The following ODF2L variants were observed in gnomAD, a reference collection of about 807,000 sequenced individuals.
The protein encoded by ODF2L is outer dense fiber of sperm tails 2 like, also known as protein BCAP.
A neutral mutation model predicts 86.3 loss-of-function variants in ODF2L; 76 were observed. The observed-to-expected ratio is 0.88, with a 90% CI of 0.73 to 1.07. The LOEUF (loss-of-function observed/expected upper bound fraction) is 1.07, where lower values mean the gene tolerates loss of function less well. Among genes scored for constraint, ODF2L ranks in the 50% least tolerant of loss-of-function variants. The probability of loss-of-function intolerance (pLI) is 0.00; values close to 1 mark genes in which losing one functional copy is unlikely to be tolerated. For synonymous variants in ODF2L, 241 were observed against 231.3 expected (o/e 1.04, Z -0.38); for missense variants, 748 against 717.4 (o/e 1.04, Z -0.49).
chr1:86,352,106 A>G (rs2100701813), exon 18 of ODF2L: 3 of 1,443,614 alleles, frequency 2.1e-6, no homozygotes, highest in Non-Finnish European at 2.7e-6. Context: ...CAATAAAATC[A>G]AATTGTGCAT....
downstream of ODF2L, chr1:86,349,019 TCA>T (rs1384012296): frequency 1.7e-4 from 130 of 777,808 alleles, 1 homozygote; most frequent in African/African-American, 2.1e-3. Context: ...TCTGATGTGT[TCA>T]TTCTTAGAGC....
chr1:86,368,316 T>A (rs903851961), intron 11 of ODF2L, among the ~76,000 whole-genome samples: 2 of 152,192 alleles, frequency 1.3e-5, no homozygotes, highest in Non-Finnish European at 2.9e-5. Flanking sequence ...TTACTAGGAA[T>A]TTAACATGTC....
chr1:86,385,396 G>A (rs891520348), intron 3 of ODF2L, 62 bp downstream of exon 3: 15 of 1,018,420 alleles, frequency 1.5e-5, no homozygotes, highest in Non-Finnish European at 2.2e-5. Flanking sequence ...TGAGACCTCA[G>A]TTAATGCATT....
At chr1:86,382,826 A>G in intron 6 of ODF2L, 105 bp downstream of exon 6, 1 of 675,074 alleles carries the variant, frequency 1.5e-6, no homozygotes, top group East Asian at 2.7e-5. Context: ...GAATTTCAAA[A>G]CACTTTTCTG....
intron 16 of ODF2L, among the ~76,000 whole-genome samples, chr1:86,354,106 T>C (rs563126382): frequency 6.6e-6 from 1 of 152,340 alleles, no homozygotes; most frequent in South Asian, 2.1e-4. Flanking sequence ...GAAGTATTCG[T>C]TGAATGCTAA....
chr1:86,347,864 G>A (rs2100643595), downstream of ODF2L: 1 of 152,248 alleles, frequency 6.6e-6, no homozygotes, highest in South Asian at 2.1e-4. Flanking sequence ...CACACAGTGG[G>A]AGATTATAGC....
intron 8 of ODF2L, among the ~76,000 whole-genome samples, chr1:86,373,990 A>T (rs887147459): frequency 6.6e-6 from 1 of 152,230 alleles, no homozygotes; most frequent in Non-Finnish European, 1.5e-5. Context: ...AGATCCACCT[A>T]AAGAGCTGTA....
intron 11 of ODF2L, among the ~76,000 whole-genome samples, chr1:86,365,734 T>C (rs1659359466): frequency 6.6e-6 from 1 of 152,212 alleles, no homozygotes; most frequent in African/African-American, 2.4e-5. Flanking sequence ...GACTGACTAA[T>C]GAATCAGGAG....
rs763737308 is a variant in ODF2L, at chr1:86,376,200, T to A, written c.810+33A>T. On this transcript the variant is annotated intron_variant, in intron 8 of 17. Transcript: ENST00000317336. ...TTATATAAACTACGTACATAATAGA[T>A]CTTTTAATTTTAAAAAGAATGCATT... 1.1e-5 allele frequency: 13 copies of A among 1,231,304 alleles called. No homozygotes were observed. In the Admixed American group the frequency reaches 1.9e-4, roughly 18 times the overall value. The allele number at this position is 1,231,304 out of a possible 1,614,324, so 76.3% of individuals were successfully genotyped here.
intron 12 of ODF2L, 30 bp from the exon 12 acceptor site, chr1:86,358,921 AT>A (rs1330492567): frequency 2.9e-6 from 3 of 1,046,718 alleles, no homozygotes; most frequent in Middle Eastern, 2.1e-4. Flanking sequence ...GAAACATATT[AT>A]TTTTAGAATC....
intron 1 of ODF2L, among the ~76,000 whole-genome samples, chr1:86,395,274 A>T (rs1661650625): frequency 6.6e-6 from 1 of 152,240 alleles, no homozygotes; most frequent in African/African-American, 2.4e-5. Flanking sequence ...TATCCCCAAC[A>T]GCAGCCCCAG....
intron 1 of ODF2L, among the ~76,000 whole-genome samples, chr1:86,387,926 A>G (rs914191472): frequency 6.6e-6 from 1 of 152,098 alleles, no homozygotes; most frequent in African/African-American, 2.4e-5. Context: ...TACAAAACAT[A>G]TTATATTCAA....
intron 6 of ODF2L, 137 bp from the exon 7 acceptor site, chr1:86,382,495 G>T (rs1165042211): frequency 5.7e-6 from 8 of 1,400,290 alleles, no homozygotes; most frequent in Non-Finnish European, 7.6e-6. Context: ...TACATAAACT[G>T]CCGCCCCTAT....
exon 16 of ODF2L, chr1:86,354,660 T>G (rs1463842047): frequency 6.2e-6 from 10 of 1,611,588 alleles, no homozygotes; most frequent in Non-Finnish European, 8.5e-6. Context: ...CTTCTCAAGC[T>G]CTTTATTTTC....
chr1:86,357,233 T>G (rs1341572709), intron 13 of ODF2L, among the ~76,000 whole-genome samples: 3 of 152,190 alleles, frequency 2.0e-5, no homozygotes, highest in Non-Finnish European at 2.9e-5. Context: ...AGCAGCAACC[T>G]TAAGAAATGT....
At chr1:86,366,770 C>A (rs1254880080) in intron 11 of ODF2L, among the ~76,000 whole-genome samples, 1 of 151,700 alleles carries the variant, frequency 6.6e-6, no homozygotes, top group Admixed American at 6.6e-5. Context: ...GAGATAAAAA[C>A]CAAAGAAATC....
intron 17 of ODF2L, 113 bp downstream of exon 16, chr1:86,352,746 T>C: frequency 1.6e-6 from 1 of 631,078 alleles, no homozygotes; most frequent in South Asian, 2.5e-5. Context: ...TTGCTTGTTA[T>C]TTTTAATATT....
intron 2 of ODF2L, chr1:86,385,862 T>C (rs1660920749): frequency 4.5e-6 from 1 of 219,898 alleles, no homozygotes; most frequent in African/African-American, 2.3e-5. Context: ...ATAAATAAAA[T>C]TCCAAGTGAT....
intron 14 of ODF2L, among the ~76,000 whole-genome samples, 182 bp downstream of exon 13, chr1:86,356,262 T>C (rs535776774): frequency 8.5e-5 from 13 of 152,316 alleles, no homozygotes; most frequent in African/African-American, 2.6e-4. Context: ...TTTTTCACCA[T>C]AAAATACTAA....
Sources: allele counts gnomAD v4.1 joint callset (sites outside exome capture counted in the v4.1 genomes callset), GRCh38; gene constraint gnomAD v4.1.1; transcripts MANE v1.5; gene names NCBI Gene and HGNC (gene_info 2026-07-23, HGNC 2026-07-21).